The following MASP1 variants were observed in gnomAD, a reference collection of about 807,000 sequenced individuals.
MASP1 encodes MBL associated serine protease 1.
MASP1 carries 59 observed loss-of-function variants against 77.1 expected under a neutral mutation model. The ratio of observed to expected loss-of-function variants is 0.77; its 90% CI spans 0.62 to 0.95. MASP1 has a LOEUF of 0.95. MASP1 is among the 40% of genes least tolerant of loss of function. MASP1 has a pLI of 0.00. For missense variants in MASP1, 885 were observed against 912.9 expected, an observed-to-expected ratio of 0.97 and a Z score of 0.39; for synonymous variants, 362 against 354.5, an observed-to-expected ratio of 1.02 and a Z score of -0.24.
In MASP1 at chr3:187,234,800, G is replaced by A. The variant is rs1109452; in HGVS notation, c.*884C>T. The A allele has an allele frequency of 0.3, 381,022 of 1,287,064 alleles. 59,236 individuals carry two copies. The highest frequency in any genetic ancestry group is 0.65 in the East Asian group (11,763 of 18,002). 79.7% of individuals were successfully genotyped at this position (1,287,064 alleles called of 1,614,324 possible). On this transcript the variant is annotated 3_prime_UTR_variant, in exon 11 of 11. Coordinates refer to ENST00000296280, the MANE Select transcript of MASP1 (RefSeq NM_139125.4). ...GGTAATCGACTAAGTCCCCATATTCGGGCCTGGGCTTCAGGTAGCCTTTCA... is the reference window on the plus strand; with the variant it reads ...GGTAATCGACTAAGTCCCCATATTCAGGCCTGGGCTTCAGGTAGCCTTTCA...
intron 1 of MASP1, among the ~76,000 whole-genome samples, chr3:187,288,030 G>C (rs997718593): frequency 1.3e-5 from 2 of 152,112 alleles, no homozygotes. Flanking sequence ...GGGAATATAA[G>C]TATTTCCATT....
chr3:187,227,303 G>A (rs1377791269), intron 11 of MASP1, among the ~76,000 whole-genome samples: 1 of 152,190 alleles, frequency 6.6e-6, no homozygotes, highest in African/African-American at 2.4e-5. Flanking sequence ...TTGGTTTCAG[G>A]GTCAGGGCCA....
intron 2 of MASP1, among the ~76,000 whole-genome samples, chr3:187,266,805 T>C (rs1716061657): frequency 6.6e-6 from 1 of 152,156 alleles, no homozygotes; most frequent in Non-Finnish European, 1.5e-5. Context: ...GGCAAAACTA[T>C]GGCAGGGCAG....
chr3:187,270,186 C>T (rs1284428704), intron 2 of MASP1, among the ~76,000 whole-genome samples: 1 of 152,180 alleles, frequency 6.6e-6, no homozygotes. Flanking sequence ...AAATTTAGGC[C>T]TCAAGGGACC....
At chr3:187,268,643 C>T (rs1246733044) in intron 2 of MASP1, among the ~76,000 whole-genome samples, 3 of 152,172 alleles carry the variant, frequency 2.0e-5, no homozygotes, top group African/African-American at 7.2e-5. Flanking sequence ...TTGAAAGTGT[C>T]AGTGTGTACT....
chr3:187,252,259 T>C (rs1174130476), intron 6 of MASP1, among the ~76,000 whole-genome samples: 3 of 152,204 alleles, frequency 2.0e-5, no homozygotes, highest in East Asian at 3.9e-4. Flanking sequence ...CTCTGCTGAT[T>C]ACATGAACAC....
intron 2 of MASP1, among the ~76,000 whole-genome samples, chr3:187,270,536 C>T (rs1579560861): frequency 6.6e-6 from 1 of 152,162 alleles, no homozygotes; most frequent in East Asian, 1.9e-4. Context: ...GGCTATAAAT[C>T]CCCACTTGCC....
intron 7 of MASP1, among the ~76,000 whole-genome samples, chr3:187,250,634 C>T (rs1265659002): frequency 3.9e-5 from 6 of 152,166 alleles, no homozygotes; most frequent in South Asian, 2.1e-4. Flanking sequence ...CCAGGGCAAG[C>T]GGTCAGCATC....
At chr3:187,229,415 A>G (rs1014592982), downstream of MASP1, among the ~76,000 whole-genome samples, 2 of 152,172 alleles carry the variant, frequency 1.3e-5, no homozygotes, top group African/African-American at 2.4e-5. Context: ...GCAGCGTTCA[A>G]GACAAGATAA....
chr3:187,245,772 T>C (rs1233144529), intron 8 of MASP1, among the ~76,000 whole-genome samples: 1 of 152,222 alleles, frequency 6.6e-6, no homozygotes, highest in Non-Finnish European at 1.5e-5. Flanking sequence ...TTCCGCACTC[T>C]GGAATCAAAA....
At position 187,243,467 on chromosome 3, in the gene MASP1, T is replaced by G. The variant is rs1713825681; in HGVS notation, c.1228+17A>C. ...AGTGTGAAACGGGAGTGGGATGGCT[T>G]AGCATGGATGGCTTACCTGTGTTAT... On this transcript the variant is annotated intron_variant, in intron 9 of 10. Coordinates refer to ENST00000296280, the MANE Select transcript of MASP1 (RefSeq NM_139125.4). The G allele has an allele frequency of 1.2e-6, 2 of 1,613,954 alleles. No homozygotes were observed. The highest frequency in any genetic ancestry group is 4.5e-5 in the East Asian group (2 of 44,888).
At chr3:187,250,409 C>G in intron 7 of MASP1, 80 bp from the exon 8 acceptor site, 1 of 971,716 alleles carries the variant, frequency 1.0e-6, no homozygotes, top group Admixed American at 1.7e-5. Context: ...AAAACCAACT[C>G]AAGCTCCACA....
chr3:187,255,399 T>A (rs569629845), intron 5 of MASP1, among the ~76,000 whole-genome samples: 3 of 152,232 alleles, frequency 2.0e-5, no homozygotes, highest in East Asian at 3.8e-4. Flanking sequence ...ATCTTGGAAG[T>A]TGATTCTTCT....
intron 8 of MASP1, chr3:187,247,427 G>A (rs1470382102): frequency 1.2e-6 from 2 of 1,611,208 alleles, no homozygotes; most frequent in Admixed American, 3.3e-5. Context: ...AAGAGATACA[G>A]AGGAAGGAAG....
intron 10 of MASP1, among the ~76,000 whole-genome samples, chr3:187,238,435 T>G (rs696405): frequency 0.56 from 84,869 of 152,126 alleles, 26,003 homozygotes; most frequent in East Asian, 0.86. Flanking sequence ...GCTGAATGAT[T>G]CAACAAGCTC....
exon 12 of MASP1, chr3:187,226,494 G>A: frequency 6.2e-7 from 1 of 1,612,184 alleles, no homozygotes; most frequent in Non-Finnish European, 8.5e-7. Context: ...TGGAGGCAGT[G>A]TGCGGCGGTC....
chr3:187,253,296 ACTTTTGGACCAACTTTG>A lies in MASP1; in HGVS notation c.747_763del (p.Lys250PhefsTer26). On this transcript the variant is annotated frameshift_variant and splice_region_variant, in exon 6 of 11. Coordinates refer to ENST00000296280, the MANE Select transcript of MASP1 (RefSeq NM_139125.4). LOFTEE classifies it high-confidence loss of function. ...TTTCTCTCCACAGAAAGGCCCCAAA[ACTTTTGGACCAACTTTG>A]ATCTGCAAAATATGAGAGAGAGAGA... is the stretch of plus-strand genomic sequence containing the variant. 1 of 1,614,160 alleles carries A rather than the reference ACTTTTGGACCAACTTTG, an allele frequency of 6.2e-7. No individual in the cohort carries two copies. The highest frequency in any genetic ancestry group is 2.2e-5 in the East Asian group (1 of 44,870).
chr3:187,278,534 G>A (rs1486452904), intron 2 of MASP1, among the ~76,000 whole-genome samples: 2 of 152,158 alleles, frequency 1.3e-5, no homozygotes, highest in Non-Finnish European at 2.9e-5. Flanking sequence ...GACTCTTTAA[G>A]CTCTGTCTCA....
At chr3:187,285,610 T>G (rs775039928) in intron 2 of MASP1, among the ~76,000 whole-genome samples, 5 of 151,998 alleles carry the variant, frequency 3.3e-5, no homozygotes, top group African/African-American at 1.2e-4. Context: ...TTGGGCTGAG[T>G]CATACTCTAT....
Sources: gnomAD v4.1 joint callset for allele counts (sites outside exome capture counted in the v4.1 genomes callset) on GRCh38, gnomAD v4.1.1 for gene constraint, MANE v1.5 for transcripts, NCBI Gene and HGNC (gene_info 2026-07-23, HGNC 2026-07-21) for gene names.